Variants in UTRN observed in about 807,000 individuals in gnomAD.
UTRN encodes the protein utrophin.
A neutral mutation model predicts 463.9 loss-of-function variants in UTRN; 283 were observed. The observed-to-expected ratio is 0.61, with a 90% CI of 0.55 to 0.67. The LOEUF (loss-of-function observed/expected upper bound fraction) is 0.67, where lower values mean the gene tolerates loss of function less well. UTRN is among the 30% of genes least tolerant of loss of function. The pLI is 0.00. For missense variants in UTRN, 3,922 were observed against 4,084.3 expected (o/e 0.96, Z 1.08); for synonymous variants, 1,442 against 1,431.5 (o/e 1.01, Z -0.17).
intron 58 of UTRN, among the ~76,000 whole-genome samples, chr6:144,771,111 T>C (rs990910504): frequency 1.6e-4 from 25 of 152,192 alleles, no homozygotes; most frequent in Non-Finnish European, 1.9e-4. Flanking sequence ...TATGGGTTTA[T>C]TCTGGAGCCT....
intron 53 of UTRN, among the ~76,000 whole-genome samples, chr6:144,720,649 G>A (rs1390825311): frequency 6.6e-6 from 1 of 152,242 alleles, no homozygotes; most frequent in African/African-American, 2.4e-5. Context: ...GACAAGCCAT[G>A]AGAGACTACA....
rs747980089 is a variant in UTRN, at chr6:144,577,228, T to C, written c.7419T>C (p.Ser2473=). The change falls in exon 51 of 75, where the codon TCT becomes TCC. Residue 2473 remains serine (S), a synonymous_variant. Coordinates refer to ENST00000367545, the MANE Select transcript of UTRN (RefSeq NM_007124.3). ...ETTVNVLVDA[S]HRENALQDSI... ...CAGTGAATGTGCTTGTGGATGCCTC[T>C]CATCGGGAGAATGCTCTTCAGGATA... is the stretch of plus-strand genomic sequence containing the variant. The C allele has an allele frequency of 3.7e-6, 6 of 1,613,970 alleles. No homozygotes were observed. Among genetic ancestry groups the C allele is most frequent in the Non-Finnish European group, 5.1e-6 (6 of 1,179,916 alleles).
chr6:144,650,008 A>T lies in UTRN; in HGVS notation c.7480-28398A>T, dbSNP rs185837079. Among the ~76,000 whole-genome samples the T allele has an allele frequency of 1.9e-3, 280 of 144,720 alleles. 1 individual carries two copies. The highest frequency in any genetic ancestry group is 3.5e-3 in the Middle Eastern group (1 of 288). The allele number at this position is 144,720 out of a possible 152,430, so 94.9% of individuals were successfully genotyped here. On this transcript the variant is annotated intron_variant, in intron 51 of 74. Coordinates refer to ENST00000367545, the MANE Select transcript of UTRN (RefSeq NM_007124.3). ...ATACCTAAGACTGGGTAATTTATTT[A>T]AAAAAAAGAGGTTTAATGGACTTAC...
At position 144,292,472 on chromosome 6, in the gene UTRN, T is replaced by C. The variant is rs909766221; in HGVS notation, c.79+565T>C. ...AACAGTTAAATTGGGGTCCTCAGGA[T>C]ACCACCCCCTCCTCCAATCTTTTTA... On this transcript the variant is annotated intron_variant, in intron 2 of 74. Transcript: ENST00000367545. Among the ~76,000 whole-genome samples, 9 of 152,308 alleles carry C rather than the reference T, an allele frequency of 5.9e-5. 1 individual carries two copies. Among genetic ancestry groups the C allele is most frequent in the African/African-American group, 2.2e-4 (9 of 41,564 alleles).
chr6:144,678,971 CAG>C (rs534121369), intron 52 of UTRN, among the ~76,000 whole-genome samples: 1 of 152,012 alleles, frequency 6.6e-6, no homozygotes, highest in Non-Finnish European at 1.5e-5. Flanking sequence ...TATGAGGAAA[CAG>C]AGGTTTAATG....
intron 51 of UTRN, among the ~76,000 whole-genome samples, chr6:144,646,143 T>A (rs1355283136): frequency 1.3e-5 from 2 of 152,222 alleles, no homozygotes; most frequent in African/African-American, 4.8e-5. Flanking sequence ...CTACCCCCTC[T>A]ACAAGATTAA....
chr6:144,731,503 A>C (rs903528267), intron 54 of UTRN, among the ~76,000 whole-genome samples: 1 of 152,364 alleles, frequency 6.6e-6, no homozygotes, highest in Non-Finnish European at 1.5e-5. Context: ...ATTACTTGTA[A>C]GGGAAGCATA....
At chr6:144,536,751 T>C (rs939064914) in intron 43 of UTRN, among the ~76,000 whole-genome samples, 1 of 152,014 alleles carries the variant, frequency 6.6e-6, no homozygotes, top group African/African-American at 2.4e-5. Context: ...AAAATAAAGA[T>C]ACCACCAGGC....
rs113654747 is a variant in UTRN at position 144,735,317 on chromosome 6, G to A, written c.7939+4831G>A. On this transcript the variant is annotated intron_variant, in intron 54 of 74. Coordinates refer to ENST00000367545, the MANE Select transcript of UTRN (RefSeq NM_007124.3). ...ACAGGTAGGAAGTGATTAAGTTCGG[G>A]AAAGAGGAATGGCCATGCTGGGGAC... is the stretch of plus-strand genomic sequence containing the variant. 8.5e-3 allele frequency among the ~76,000 whole-genome samples: 1,295 copies of A among 152,274 alleles called. 14 individuals carry two copies. Among genetic ancestry groups the A allele is most frequent in the African/African-American group, 0.03 (1,240 of 41,550 alleles).
Position 144,557,149 on chromosome 6 carries a change from C to T in UTRN, c.7135-8C>T. 6.2e-7 allele frequency: 1 copy of T among 1,612,112 alleles called. No individual in the cohort carries two copies. Among genetic ancestry groups the T allele is most frequent in the Non-Finnish European group, 8.5e-7 (1 of 1,179,022 alleles). On this transcript the variant is annotated splice_polypyrimidine_tract_variant and splice_region_variant and intron_variant, in intron 49 of 74. Transcript: ENST00000367545. ...AGTCTAACAAACAGACCTGCACTTG[C>T]ACCTCAGATACTGCTTCAAGAACTG...
intron 51 of UTRN, among the ~76,000 whole-genome samples, chr6:144,594,156 G>A (rs1294512930): frequency 6.6e-6 from 1 of 152,186 alleles, no homozygotes; most frequent in Non-Finnish European, 1.5e-5. Flanking sequence ...TTATAGATTT[G>A]TAGAACATTA....
chr6:144,809,021 C>T (rs1313712093), intron 65 of UTRN, among the ~76,000 whole-genome samples: 1 of 151,966 alleles, frequency 6.6e-6, no homozygotes, highest in African/African-American at 2.4e-5. Context: ...TGGATATGTA[C>T]CCAGAAGTGG....
At chr6:144,495,390 G>A (rs1053739033) in intron 33 of UTRN, among the ~76,000 whole-genome samples, 10 of 152,248 alleles carry the variant, frequency 6.6e-5, no homozygotes, top group Non-Finnish European at 1.3e-4. Context: ...CCGCTGGCCC[G>A]GTGCTAAGTC....
rs763505757 is a variant in UTRN, at chr6:144,436,028, G to T, written c.949G>T (p.Ala317Ser). 1 of 1,614,244 alleles carries T rather than the reference G, an allele frequency of 6.2e-7. No homozygotes were observed. The highest frequency in any genetic ancestry group is 1.7e-5 in the Admixed American group (1 of 60,030). The change falls in exon 10 of 75, where the codon GCG becomes TCG. Residue 317 changes from alanine (A) to serine (S), a missense_variant. Ala to Ser is a moderately conservative substitution (Grantham distance 99). Transcript: ENST00000367545. ...CATGGATCTGGACAGCTATCAGATT[G>T]CGTTGGAGGAAGTGCTGACCTGGTT... ...VDMDLDSYQI[A>S]LEEVLTWLLS...
At chr6:144,596,425 T>G (rs1426350934) in intron 51 of UTRN, among the ~76,000 whole-genome samples, 2 of 152,190 alleles carry the variant, frequency 1.3e-5, no homozygotes, top group Non-Finnish European at 2.9e-5. Flanking sequence ...TTTAGCTTCC[T>G]GATTTTTTCA....
At chr6:144,835,696 C>G (rs1195915902) in intron 69 of UTRN, 84 bp from the exon 70 acceptor site, 1 of 1,564,892 alleles carries the variant, frequency 6.4e-7, no homozygotes, top group African/African-American at 1.4e-5. Context: ...ACTATCCTGT[C>G]CATCATTATT....
chr6:144,744,480 A>G (rs1790477872), intron 54 of UTRN, among the ~76,000 whole-genome samples: 1 of 149,040 alleles, frequency 6.7e-6, no homozygotes, highest in African/African-American at 2.5e-5. Flanking sequence ...TGTATATTAT[A>G]CATAAATATA....
At chr6:144,489,524 G>A (rs1792828164) in intron 30 of UTRN, among the ~76,000 whole-genome samples, 1 of 152,116 alleles carries the variant, frequency 6.6e-6, no homozygotes, top group South Asian at 2.1e-4. Flanking sequence ...TAAATAAGTT[G>A]TGAACATTAG....
At position 144,462,870 on chromosome 6, in the gene UTRN, A is replaced by G. The variant is rs1313898089; in HGVS notation, c.3066+4A>G. The G allele has an allele frequency of 2.5e-6, 4 of 1,597,026 alleles. No homozygotes were observed. The highest frequency in any genetic ancestry group is 3.4e-6 in the Non-Finnish European group (4 of 1,175,976). On this transcript the variant is annotated splice_donor_region_variant and intron_variant, in intron 23 of 74. Coordinates refer to ENST00000367545, the MANE Select transcript of UTRN (RefSeq NM_007124.3). ...TCTCACACTCAGAGCTTTTGAGGTA[A>G]ATCCAGAGGCCACTGGGAGTTTAAG...
Sources: allele counts gnomAD v4.1 joint callset (sites outside exome capture counted in the v4.1 genomes callset), GRCh38; gene constraint gnomAD v4.1.1; transcripts MANE v1.5; gene names NCBI Gene and HGNC (gene_info 2026-07-23, HGNC 2026-07-21).